Variants in SBK1 observed in about 807,000 individuals in gnomAD.
The protein encoded by SBK1 is serine/threonine-protein kinase SBK1.
In SBK1, 11 loss-of-function variants were observed where a neutral mutation model predicts 24.4. The ratio of observed to expected loss-of-function variants is 0.45; its 90% CI spans 0.28 to 0.75. The LOEUF is 0.75. Ranked by LOEUF, SBK1 falls within the 30% of genes least tolerant of loss-of-function variation. The pLI is 0.12. For missense variants in SBK1, 467 were observed against 620.5 expected (o/e 0.75, Z 2.63); for synonymous variants, 308 against 284.4 (o/e 1.08, Z -0.83).
chr16:28,268,292 G>A (rs936028169), intron 1 of SBK1, among the ~76,000 whole-genome samples: 1 of 152,192 alleles, frequency 6.6e-6, no homozygotes, highest in Non-Finnish European at 1.5e-5. Context: ...AACTAGGCTG[G>A]AGTGCAGTGG....
At chr16:28,302,455 T>C (rs1396121500) in intron 1 of SBK1, among the ~76,000 whole-genome samples, 1 of 152,196 alleles carries the variant, frequency 6.6e-6, no homozygotes, top group Non-Finnish European at 1.5e-5. Context: ...GCCTCCACTC[T>C]GGGCAGGGTG....
intron 1 of SBK1, among the ~76,000 whole-genome samples, chr16:28,283,099 A>T (rs566318868): frequency 3.5e-4 from 53 of 151,912 alleles, no homozygotes; most frequent in African/African-American, 1.3e-3. Context: ...CACCCTGCTA[A>T]TTTTTGTATT....
chr16:28,261,478 C>CACA (rs1426994495), intron 1 of SBK1, among the ~76,000 whole-genome samples: 2 of 137,960 alleles, frequency 1.4e-5, no homozygotes, highest in South Asian at 4.8e-4. Flanking sequence ...CACACACACA[C>CACA]AATTAGCCAG....
At chr16:28,278,434 C>A (rs1350410745) in intron 1 of SBK1, among the ~76,000 whole-genome samples, 1 of 152,176 alleles carries the variant, frequency 6.6e-6, no homozygotes, top group Non-Finnish European at 1.5e-5. Context: ...CTCAGCCTCC[C>A]AGGCTCAAGC....
At position 28,293,004 on chromosome 16, in the gene SBK1, C is replaced by G. The variant is rs758005474; in HGVS notation, c.-304C>G. 1 of 985,444 alleles carries G rather than the reference C, an allele frequency of 1.0e-6. No homozygotes were observed. The highest frequency in any genetic ancestry group is 1.2e-6 in the Non-Finnish European group (1 of 830,012). 61.0% of individuals were successfully genotyped at this position (985,444 alleles called of 1,614,324 possible). On this transcript the variant is annotated 5_prime_UTR_variant, in exon 1 of 4. Transcript: ENST00000341901. Reference sequence around the variant, plus strand: ...ATCCGGTCATTACAACTCCACACCTCAAGACAAGAAGACCCAGCTCAGAAC... The same window carrying G: ...ATCCGGTCATTACAACTCCACACCTGAAGACAAGAAGACCCAGCTCAGAAC...
chr16:28,277,742 G>C (rs1184891413), intron 1 of SBK1, among the ~76,000 whole-genome samples: 1 of 152,216 alleles, frequency 6.6e-6, no homozygotes, highest in Non-Finnish European at 1.5e-5. Context: ...TTCATGTCCT[G>C]GGTTGTGGGC....
intron 1 of SBK1, among the ~76,000 whole-genome samples, chr16:28,298,400 T>G (rs2044655772): frequency 6.6e-6 from 1 of 152,284 alleles, no homozygotes; most frequent in Middle Eastern, 3.4e-3. Context: ...GAGTCAGGAT[T>G]TGCACCCAGC....
At chr16:28,318,927 C>A in intron 2 of SBK1, 68 bp from the exon 3 acceptor site, 1 of 1,161,954 alleles carries the variant, frequency 8.6e-7, no homozygotes, top group Non-Finnish European at 1.3e-6. Context: ...CAGAGACAGG[C>A]ATGGGTGCAT....
chr16:28,310,557 C>G (rs1003890112), intron 1 of SBK1, among the ~76,000 whole-genome samples: 1 of 152,182 alleles, frequency 6.6e-6, no homozygotes, highest in African/African-American at 2.4e-5. Context: ...GTTTCCTCAT[C>G]TCAAAAGCCT....
intron 1 of SBK1, among the ~76,000 whole-genome samples, chr16:28,305,040 T>C (rs932832033): frequency 6.6e-5 from 10 of 151,272 alleles, no homozygotes; most frequent in African/African-American, 2.4e-4. Context: ...AGCCATATGG[T>C]GGAACTTCAG....
At position 28,267,287 on chromosome 16, in the gene SBK1, C is replaced by T. The variant is rs568063041; in HGVS notation, c.257+7785C>T. Among the ~76,000 whole-genome samples, 188 of 152,010 alleles carry T rather than the reference C, an allele frequency of 1.2e-3. 5 individuals are homozygous for T. Among genetic ancestry groups the T allele is most frequent in the Non-Finnish European group, 3.7e-4 (25 of 68,002 alleles). Reference sequence around the variant, plus strand: ...GTGGGCCAGGCTGTTCTCGAACTTCCGAGCTCAAGTGATCCTCCCGCCTCA... The same window carrying T: ...GTGGGCCAGGCTGTTCTCGAACTTCTGAGCTCAAGTGATCCTCCCGCCTCA... On this transcript the variant is annotated intron_variant, in intron 1 of 3. Transcript: ENST00000671413.
intron 1 of SBK1, among the ~76,000 whole-genome samples, chr16:28,277,932 C>A (rs985265676): frequency 6.6e-6 from 1 of 152,270 alleles, no homozygotes; most frequent in African/African-American, 2.4e-5. Flanking sequence ...CGGACAAAGT[C>A]TCTTGTTTAG....
At chr16:28,303,507 C>CTTTTTTTTTTTTTTTT (rs143613970) in intron 1 of SBK1, among the ~76,000 whole-genome samples, 15 of 58,078 alleles carry the variant, frequency 2.6e-4, no homozygotes, top group African/African-American at 4.3e-4. Context: ...CTTTTCTTTT[C>CTTTTTTTTTTTTTTTT]TTTTTTTTTT....
At chr16:28,267,991 G>T (rs979359190) in intron 1 of SBK1, among the ~76,000 whole-genome samples, 4 of 152,044 alleles carry the variant, frequency 2.6e-5, no homozygotes, top group African/African-American at 9.7e-5. Flanking sequence ...CTAAAAAAAG[G>T]TAAAAATTAA....
At chr16:28,287,848 G>C (rs1257266190), upstream of SBK1, among the ~76,000 whole-genome samples, 1 of 152,122 alleles carries the variant, frequency 6.6e-6, no homozygotes, top group African/African-American at 2.4e-5. Flanking sequence ...ATTTTTAGTA[G>C]AGATGGGGTT....
chr16:28,261,691 C>T (rs1242556315), intron 1 of SBK1, among the ~76,000 whole-genome samples: 2 of 152,192 alleles, frequency 1.3e-5, no homozygotes, highest in Admixed American at 1.3e-4. Flanking sequence ...AAATACTACA[C>T]TCCCAGACCC....
Position 28,321,176 on chromosome 16 carries a change from C to A in SBK1, c.*255C>A. On this transcript the variant is annotated 3_prime_UTR_variant, in exon 4 of 4. Coordinates refer to ENST00000341901, the MANE Select transcript of SBK1 (RefSeq NM_001024401.3). The stretch of plus-strand genomic sequence containing the variant: ...CACAGACCCGAGAATTCGGAGGCCA[C>A]CACACAACACACACACACACACACA... 3.4e-6 allele frequency: 1 copy of A among 289,934 alleles called. No homozygotes were observed. The highest frequency in any genetic ancestry group is 8.0e-5 in the East Asian group (1 of 12,508). 18.0% of individuals were successfully genotyped at this position (289,934 alleles called of 1,614,324 possible).
rs1175503519 is a variant in SBK1 at position 28,322,973 on chromosome 16, T to C, written c.*2052T>C. ...CTCTCTCTCTCTCTCTCTCTCTCTC[T>C]CTCTCTCCTCTCTTTCTCTCTCTCC... is the stretch of plus-strand genomic sequence containing the variant. On this transcript the variant is annotated 3_prime_UTR_variant, in exon 4 of 4. Coordinates refer to ENST00000341901, the MANE Select transcript of SBK1 (RefSeq NM_001024401.3). 2 of 127,168 alleles carry C rather than the reference T, an allele frequency of 1.6e-5. No individual in the cohort carries two copies. Among genetic ancestry groups the C allele is most frequent in the Admixed American group, 8.4e-5 (1 of 11,968 alleles). The allele number at this position is 127,168 out of a possible 1,614,324, so 7.9% of individuals were successfully genotyped here.
chr16:28,263,913 C>A (rs1190698280), intron 1 of SBK1, among the ~76,000 whole-genome samples: 1 of 151,932 alleles, frequency 6.6e-6, no homozygotes, highest in Non-Finnish European at 1.5e-5. Flanking sequence ...TTGCCTGAGC[C>A]CAGGAGCTCC....
Sources: allele counts gnomAD v4.1 joint callset (sites outside exome capture counted in the v4.1 genomes callset), GRCh38; gene constraint gnomAD v4.1.1; transcripts MANE v1.5; gene names NCBI Gene and HGNC (gene_info 2026-07-23, HGNC 2026-07-21).